Variants in STAU2 observed in about 807,000 individuals in gnomAD.
The protein encoded by STAU2 is double-stranded RNA-binding protein Staufen homolog 2.
STAU2 carries 20 observed loss-of-function variants against 65.9 expected under a neutral mutation model. That is an observed-to-expected ratio of 0.30 (90% CI 0.21 to 0.44). The LOEUF (loss-of-function observed/expected upper bound fraction) is 0.44, where lower values mean the gene tolerates loss of function less well. Ranked by LOEUF, STAU2 falls within the 20% of genes least tolerant of loss-of-function variation. The probability of loss-of-function intolerance (pLI) is 1.00; values close to 1 mark genes in which losing one functional copy is unlikely to be tolerated. For synonymous variants in STAU2, 232 were observed against 233.9 expected (o/e 0.99, Z 0.07); for missense variants, 558 against 683.9 (o/e 0.82, Z 2.05).
intron 6 of STAU2, among the ~76,000 whole-genome samples, chr8:73,636,126 G>A (rs750762387): frequency 3.3e-5 from 5 of 151,494 alleles, no homozygotes; most frequent in Admixed American, 6.6e-5. Flanking sequence ...AGGCCAAGGC[G>A]GGAAGATTGC....
intron 13 of STAU2, among the ~76,000 whole-genome samples, chr8:73,436,648 G>A (rs770695119): frequency 1.3e-4 from 19 of 151,188 alleles, no homozygotes; most frequent in African/African-American, 4.1e-4. Context: ...GTGCAGTGGC[G>A]CGATCTCGGC....
intron 3 of STAU2, among the ~76,000 whole-genome samples, chr8:73,725,388 T>G (rs1805553297): frequency 2.6e-5 from 4 of 152,244 alleles, no homozygotes; most frequent in Admixed American, 2.6e-4. Flanking sequence ...CACCTAAAAA[T>G]TCTATACTTC....
intron 6 of STAU2, among the ~76,000 whole-genome samples, chr8:73,650,496 C>T (rs1172145804): frequency 6.6e-6 from 1 of 152,068 alleles, no homozygotes; most frequent in African/African-American, 2.4e-5. Context: ...TAGCAAAGGT[C>T]AGAGTCAAAA....
intron 6 of STAU2, chr8:73,651,290 G>T: frequency 3.0e-6 from 2 of 670,440 alleles, no homozygotes; most frequent in Non-Finnish European, 5.4e-6. Flanking sequence ...GCCCCACTGT[G>T]TCCACACAGC....
intron 13 of STAU2, among the ~76,000 whole-genome samples, chr8:73,523,330 A>G (rs543572849): frequency 2.6e-5 from 4 of 152,208 alleles, no homozygotes; most frequent in Admixed American, 2.0e-4. Flanking sequence ...CCAAGAGAGC[A>G]CAGGAGAGGC....
intron 5 of STAU2, among the ~76,000 whole-genome samples, chr8:73,685,598 G>A (rs1015575180): frequency 3.3e-5 from 5 of 151,826 alleles, no homozygotes; most frequent in Non-Finnish European, 5.9e-5. Context: ...GGATGGTCTC[G>A]ATCTCCTAAC....
chr8:73,557,319 T>C (rs1487638285), intron 12 of STAU2, among the ~76,000 whole-genome samples: 1 of 152,192 alleles, frequency 6.6e-6, no homozygotes, highest in Non-Finnish European at 1.5e-5. Flanking sequence ...AGAAATAGCA[T>C]AAAAACATAG....
intron 6 of STAU2, among the ~76,000 whole-genome samples, chr8:73,641,164 A>G (rs893964238): frequency 6.6e-6 from 1 of 152,190 alleles, no homozygotes; most frequent in Non-Finnish European, 1.5e-5. Context: ...CCTGGGTGAC[A>G]TGGTGAAACC....
At chr8:73,527,750 CTAA>C (rs1805540496) in intron 13 of STAU2, 2 of 1,536,560 alleles carry the variant, frequency 1.3e-6, no homozygotes, top group African/African-American at 1.4e-5. Flanking sequence ...TGCACAGGGG[CTAA>C]TGTCAGACAG....
chr8:73,500,576 T>C (rs577566984), intron 13 of STAU2, among the ~76,000 whole-genome samples: 1 of 151,988 alleles, frequency 6.6e-6, no homozygotes, highest in East Asian at 1.9e-4. Flanking sequence ...TTTTTCATCA[T>C]TTGTGCACTT....
At chr8:73,611,671 T>C (rs1335263675) in intron 9 of STAU2, among the ~76,000 whole-genome samples, 1 of 150,056 alleles carries the variant, frequency 6.7e-6, no homozygotes, top group East Asian at 1.9e-4. Context: ...ATTATTATTA[T>C]GATTATTATT....
In STAU2 at chr8:73,582,653, T is replaced by C. The variant is rs569072803; in HGVS notation, c.1222+117A>G. ...CAAACACCAGGACTCCTTTGTACCCTCCAAAATACTTAACACAGCCTCTCA... is the reference window on the plus strand; with the variant it reads ...CAAACACCAGGACTCCTTTGTACCCCCCAAAATACTTAACACAGCCTCTCA... On this transcript the variant is annotated intron_variant, in intron 12 of 14. Coordinates refer to ENST00000524300, the MANE Select transcript of STAU2 (RefSeq NM_001164380.2). The C allele has an allele frequency of 5.6e-6, 5 of 885,414 alleles. No individual in the cohort carries two copies. In the South Asian group the frequency reaches 6.3e-5, roughly 11 times the overall value. 54.8% of individuals were successfully genotyped at this position (885,414 alleles called of 1,614,324 possible). A position where few individuals can be genotyped will look rare whatever the true frequency, so the allele number is the denominator to read the frequency against.
At chr8:73,439,824 A>G (rs940547948) in intron 13 of STAU2, 2 of 152,284 alleles carry the variant, frequency 1.3e-5, no homozygotes, top group Non-Finnish European at 2.9e-5. Flanking sequence ...AGAGGAAGTC[A>G]TTTGTACAAG....
intron 9 of STAU2, among the ~76,000 whole-genome samples, chr8:73,607,614 G>A (rs753977539): frequency 4.0e-5 from 6 of 151,646 alleles, no homozygotes; most frequent in Non-Finnish European, 7.4e-5. Flanking sequence ...GCACATGTCT[G>A]TAATCCCAGC....
chr8:73,601,161 C>T (rs1271728311), intron 10 of STAU2, among the ~76,000 whole-genome samples: 1 of 152,168 alleles, frequency 6.6e-6, no homozygotes, highest in Non-Finnish European at 1.5e-5. Flanking sequence ...AATTTAACAG[C>T]TCATTCACAT....
chr8:73,661,571 C>T (rs1346049179), intron 6 of STAU2, among the ~76,000 whole-genome samples: 1 of 152,032 alleles, frequency 6.6e-6, no homozygotes, highest in Admixed American at 6.6e-5. Flanking sequence ...TTTCTATCAC[C>T]CCCAAAACTT....
At chr8:73,589,329 G>C (rs774552418) in intron 11 of STAU2, among the ~76,000 whole-genome samples, 6 of 152,142 alleles carry the variant, frequency 3.9e-5, no homozygotes, top group Non-Finnish European at 8.8e-5. Flanking sequence ...CAAAAATTAT[G>C]AGATACCCAA....
chr8:73,574,178 G>C (rs1809333999), intron 12 of STAU2, among the ~76,000 whole-genome samples: 1 of 152,218 alleles, frequency 6.6e-6, no homozygotes, highest in Non-Finnish European at 1.5e-5. Context: ...CTGGCCATCA[G>C]AGAAATGCAA....
intron 12 of STAU2, among the ~76,000 whole-genome samples, chr8:73,575,458 CTCT>C (rs1489369631): frequency 6.6e-6 from 1 of 152,134 alleles, no homozygotes; most frequent in African/African-American, 2.4e-5. Flanking sequence ...AGGATACATA[CTCT>C]GTAATGGAGT....
Sources: gnomAD v4.1 joint callset for allele counts (sites outside exome capture counted in the v4.1 genomes callset) on GRCh38, gnomAD v4.1.1 for gene constraint, MANE v1.5 for transcripts, NCBI Gene and HGNC (gene_info 2026-07-23, HGNC 2026-07-21) for gene names.